Variants in HMGCS2 observed in about 807,000 individuals in gnomAD.
HMGCS2 encodes the protein hydroxymethylglutaryl-CoA synthase, mitochondrial.
Under a neutral mutation model 57.4 loss-of-function variants are expected in HMGCS2, and 50 were observed. The observed-to-expected ratio is 0.87, with a 90% CI of 0.69 to 1.10. The LOEUF (loss-of-function observed/expected upper bound fraction) is 1.10. Ranked by LOEUF, HMGCS2 falls within the 50% of genes least tolerant of loss-of-function variation. The pLI is 0.00. For synonymous variants in HMGCS2, 254 were observed against 245.1 expected (o/e 1.04, Z -0.34); for missense variants, 627 against 636.5 (o/e 0.99, Z 0.16).
At chr1:119,755,337 AAGAGAAACCC>A (rs1277528563) in intron 6 of HMGCS2, 80 bp downstream of exon 6, 8 of 1,298,814 alleles carry the variant, frequency 6.2e-6, no homozygotes, top group African/African-American at 1.5e-5. Context: ...TCTGAGCCAA[AAGAGAAACCC>A]AACTTTGTTG....
At chr1:119,756,336 G>A (rs1652837566) in intron 5 of HMGCS2, among the ~76,000 whole-genome samples, 1 of 151,918 alleles carries the variant, frequency 6.6e-6, no homozygotes, top group African/African-American at 2.4e-5. Context: ...TTTTCTATTA[G>A]GGTATTTATT....
chr1:119,754,673 T>C (rs1652774154), intron 6 of HMGCS2, among the ~76,000 whole-genome samples: 1 of 152,186 alleles, frequency 6.6e-6, no homozygotes, highest in African/African-American at 2.4e-5. Context: ...ATGCTACAGT[T>C]GGGGAAGGTG....
chr1:119,761,494 G>A (rs1051039420), intron 2 of HMGCS2, among the ~76,000 whole-genome samples: 8 of 152,106 alleles, frequency 5.3e-5, no homozygotes, highest in Admixed American at 2.6e-4. Flanking sequence ...GGCCGGGCAC[G>A]GTGGCTCACG....
In HMGCS2 at chr1:119,750,830, C is replaced by T. The variant is rs137852639; in HGVS notation, c.1499G>A (p.Arg500His). ...WYLERVDEQH[R>H]RKYARRPV Reference sequence around the variant, plus strand: ...GACGGGACGCCGGGCATACTTTCGGCGATGCTGCTCGTCCACTCGCTCCAG... The same window carrying T: ...GACGGGACGCCGGGCATACTTTCGGTGATGCTGCTCGTCCACTCGCTCCAG... Residue 500 changes from arginine (R) to histidine (H), a missense_variant, in exon 9 of 10, where the codon CGC (arginine) becomes CAC (histidine). Arg to His is a conservative substitution (Grantham distance 29). Coordinates refer to ENST00000369406, the MANE Select transcript of HMGCS2 (RefSeq NM_005518.4). 41 of 1,613,724 alleles carry T rather than the reference C, an allele frequency of 2.5e-5. No individual in the cohort carries two copies. In the Middle Eastern group the frequency reaches 4.9e-4, roughly 19 times the overall value.
chr1:119,760,386 T>C (rs1389166264), intron 2 of HMGCS2, among the ~76,000 whole-genome samples: 1 of 152,198 alleles, frequency 6.6e-6, no homozygotes, highest in Non-Finnish European at 1.5e-5. Flanking sequence ...AGTAGGACAC[T>C]AGTTAACCTT....
At chr1:119,752,063 G>A (rs955075935) in intron 8 of HMGCS2, among the ~76,000 whole-genome samples, 2 of 152,096 alleles carry the variant, frequency 1.3e-5, no homozygotes, top group African/African-American at 4.8e-5. Context: ...AGTAATATTT[G>A]TCGATAACAT....
At chr1:119,752,700 C>T in intron 7 of HMGCS2, 26 bp from the exon 8 acceptor site, 2 of 1,613,650 alleles carry the variant, frequency 1.2e-6, no homozygotes, top group Non-Finnish European at 1.7e-6. Flanking sequence ...AAGATTGTTA[C>T]ACCTTTTTCA....
At chr1:119,765,135 G>A (rs1340590953) in intron 1 of HMGCS2, among the ~76,000 whole-genome samples, 5 of 151,246 alleles carry the variant, frequency 3.3e-5, no homozygotes, top group African/African-American at 1.2e-4. Context: ...GTCACCCGGA[G>A]TCTCACTCTG....
chr1:119,767,897 A>G (rs757236079), intron 1 of HMGCS2, among the ~76,000 whole-genome samples: 5 of 152,220 alleles, frequency 3.3e-5, no homozygotes, highest in Non-Finnish European at 7.3e-5. Context: ...ATGGTAGCAT[A>G]ATGAAAAATA....
intron 5 of HMGCS2, among the ~76,000 whole-genome samples, chr1:119,756,202 TA>T (rs2101256292): frequency 6.6e-6 from 1 of 152,338 alleles, no homozygotes; most frequent in African/African-American, 2.4e-5. Context: ...ATTCACATTT[TA>T]AAAAGACTAT....
intron 4 of HMGCS2, 117 bp downstream of exon 4, chr1:119,759,001 C>A: frequency 9.5e-7 from 1 of 1,056,460 alleles, no homozygotes. Context: ...GGACAGGAAA[C>A]AATTCTCTTG....
In HMGCS2 at chr1:119,764,762, G is replaced by A. The variant is rs1653162812; in HGVS notation, c.105-136C>T. 2.2e-5 allele frequency: 16 copies of A among 718,100 alleles called. 1 individual carries two copies. In the Admixed American group the frequency reaches 3.4e-4, roughly 15 times the overall value. 44.5% of individuals were successfully genotyped at this position (718,100 alleles called of 1,614,324 possible). A position where few individuals can be genotyped will look rare whatever the true frequency, so the allele number is the denominator to read the frequency against. Reference sequence around the variant, plus strand: ...ATCAGATGACTACAAATTTAGTATTGTTATTATCTTTTCATTGAATTGACC... The same window carrying A: ...ATCAGATGACTACAAATTTAGTATTATTATTATCTTTTCATTGAATTGACC... On this transcript the variant is annotated intron_variant, in intron 1 of 9. Transcript: ENST00000369406.
At position 119,748,199 on chromosome 1, in the gene HMGCS2, C is replaced by T. The variant is rs997437985; in HGVS notation, c.*648G>A. 2 of 152,280 alleles carry T rather than the reference C, an allele frequency of 1.3e-5. No individual in the cohort carries two copies. Among genetic ancestry groups the T allele is most frequent in the South Asian group, 2.1e-4 (1 of 4,824 alleles). The allele number at this position is 152,280 out of a possible 1,614,324, so 9.4% of individuals were successfully genotyped here. The stretch of plus-strand genomic sequence containing the variant: ...TGGGCTGGGGGAAGCTGTGTTCTAC[C>T]GTTCTTATTTGCCTTGTACCTGTCA... On this transcript the variant is annotated 3_prime_UTR_variant, in exon 10 of 10. Transcript: ENST00000369406.
chr1:119,752,515 G>A, intron 8 of HMGCS2, 34 bp downstream of exon 8: 4 of 1,611,100 alleles, frequency 2.5e-6, no homozygotes, highest in Admixed American at 3.3e-5. Context: ...CTGGAATGGG[G>A]TCTCTCTTCC....
rs1199311850 is a variant in HMGCS2 at position 119,764,545 on chromosome 1, G to A, written c.186C>T (p.Tyr62=). The A allele has an allele frequency of 1.2e-6, 2 of 1,614,056 alleles. No individual in the cohort carries two copies. Among genetic ancestry groups the A allele is most frequent in the African/African-American group, 1.3e-5 (1 of 74,948 alleles). ...KDVGILALEV[Y]FPAQYVDQTD... is the part of the protein sequence containing the mutation. ...TTTGGTCCACATATTGGGCTGGGAA[G>A]TAGACCTCCAGGGCCAGGATGCCCA... Residue 62 remains tyrosine, a synonymous_variant, in exon 2 of 10, where the codon TAC becomes TAT. Transcript: ENST00000369406.
In HMGCS2 at chr1:119,759,891, G is replaced by A. The variant is rs1249772723; in HGVS notation, c.658C>T (p.Pro220Ser). ...CGCTCCAGGGCCAGAGGGGCCTTGG[G>A]CCCAATCAGCATAGCCACAGCTCCG... ...GAGAVAMLIGPKAPLALERGL... is the reference protein window; with the variant it reads ...GAGAVAMLIGSKAPLALERGL... Residue 220 changes from proline to serine, a missense_variant, in exon 3 of 10, where the codon CCC becomes TCC. Coordinates refer to ENST00000369406, the MANE Select transcript of HMGCS2 (RefSeq NM_005518.4). The A allele has an allele frequency of 6.2e-7, 1 of 1,614,142 alleles. No homozygotes were observed. The highest frequency in any genetic ancestry group is 8.5e-7 in the Non-Finnish European group (1 of 1,180,020).
At chr1:119,758,167 G>A (rs901762705) in intron 4 of HMGCS2, among the ~76,000 whole-genome samples, 1 of 152,234 alleles carries the variant, frequency 6.6e-6, no homozygotes, top group Non-Finnish European at 1.5e-5. Flanking sequence ...TGCCCATCTG[G>A]GCATGCCTGA....
At chr1:119,764,973 A>AAAAT (rs1557994474) in intron 1 of HMGCS2, among the ~76,000 whole-genome samples, 15 of 152,304 alleles carry the variant, frequency 9.8e-5, no homozygotes, top group African/African-American at 3.6e-4. Context: ...TGTGATCGGT[A>AAAAT]TATATATTTT....
rs1306328725 is a variant in HMGCS2 at position 119,755,608 on chromosome 1, G to A, written c.1017-11C>T. 3 of 1,613,890 alleles carry A rather than the reference G, an allele frequency of 1.9e-6. No homozygotes were observed. The highest frequency in any genetic ancestry group is 2.5e-6 in the Non-Finnish European group (3 of 1,179,926). On this transcript the variant is annotated splice_polypyrimidine_tract_variant and intron_variant, in intron 5 of 9. Transcript: ENST00000369406. ...TCCAGCTTTAGCCCCCTGTGAGGTA[G>A]CCAGAGGTAGCCATGTGAGAGGCCA...
Sources: gnomAD v4.1 joint callset for allele counts (sites outside exome capture counted in the v4.1 genomes callset) on GRCh38, gnomAD v4.1.1 for gene constraint, MANE v1.5 for transcripts, NCBI Gene and HGNC (gene_info 2026-07-23, HGNC 2026-07-21) for gene names.